The following TRIM69 variants were observed in gnomAD, a reference collection of about 807,000 sequenced individuals.
TRIM69 encodes the protein tripartite motif containing 69, also known as E3 ubiquitin-protein ligase TRIM69.
A neutral mutation model predicts 37.7 loss-of-function variants in TRIM69; 29 were observed. The observed-to-expected ratio is 0.77, with a 90% CI of 0.57 to 1.05. The LOEUF is 1.05. Ranked by LOEUF, TRIM69 falls within the 50% of genes least tolerant of loss-of-function variation. The pLI is 0.00. For synonymous variants in TRIM69, 209 were observed against 212.4 expected (o/e 0.98, Z 0.14); for missense variants, 596 against 579.9 (o/e 1.03, Z -0.28).
At chr15:44,756,970 T>C (rs1269359568) in intron 3 of TRIM69, 1 of 152,322 alleles carries the variant, frequency 6.6e-6, no homozygotes, top group Non-Finnish European at 1.5e-5. Context: ...ATAGGCACTC[T>C]AGGACAACAT....
rs3100143 is a variant in TRIM69, at chr15:44,767,816, A to G, written c.*44A>G. On this transcript the variant is annotated 3_prime_UTR_variant, in exon 7 of 7. Transcript: ENST00000329464. The stretch of plus-strand genomic sequence containing the variant: ...AAATTCAGAGTGTTATTAAAGAGGT[A>G]TTGAAATATTTTACCAGTCTCACTG... 3 of 1,526,620 alleles carry G rather than the reference A, an allele frequency of 2.0e-6. No individual in the cohort carries two copies. Among genetic ancestry groups the G allele is most frequent in the Non-Finnish European group, 2.6e-6 (3 of 1,137,996 alleles). The allele number at this position is 1,526,620 out of a possible 1,614,324, so 94.6% of individuals were successfully genotyped here.
chr15:44,737,420 G>A (rs1764038661), intron 1 of TRIM69, among the ~76,000 whole-genome samples: 1 of 152,098 alleles, frequency 6.6e-6, no homozygotes, highest in Non-Finnish European at 1.5e-5. Context: ...AGGGCTATAA[G>A]CATTTTGTTT....
chr15:44,767,158 C>T (rs2087912753), intron 6 of TRIM69, 73 bp from the exon 7 acceptor site: 3 of 1,127,840 alleles, frequency 2.7e-6, no homozygotes, highest in Non-Finnish European at 2.4e-6. Flanking sequence ...ATATGAAATA[C>T]TATCTTTTAC....
intron 1 of TRIM69, among the ~76,000 whole-genome samples, chr15:44,738,568 C>A (rs747499266): frequency 8.5e-5 from 13 of 152,320 alleles, no homozygotes; most frequent in Non-Finnish European, 1.9e-4. Context: ...AATTCTATAG[C>A]TCCCTCTAGA....
chr15:44,746,223 T>C (rs1267268213), intron 1 of TRIM69, among the ~76,000 whole-genome samples: 4 of 152,210 alleles, frequency 2.6e-5, no homozygotes, highest in African/African-American at 4.8e-5. Context: ...TTCAAAGTAA[T>C]TGAATAATCC....
rs1198418889 is a variant in TRIM69 at position 44,758,802 on chromosome 15, T to C, written c.761T>C (p.Leu254Ser). 6.2e-7 allele frequency: 1 copy of C among 1,614,100 alleles called. No homozygotes were observed. Among genetic ancestry groups the C allele is most frequent in the South Asian group, 1.1e-5 (1 of 91,082 alleles). ...CAATGTCTCTTAGCCAAGGATATGT[T>C]GGTGAGCATTCAGGCAAAGACGGAA... ...QEQCLLAKDM[L>S]VSIQAKTEQQ... Residue 254 changes from leucine (L) to serine (S), a missense_variant, in exon 4 of 7, where the codon TTG becomes TCG. By Grantham distance (145) the Leu-to-Ser change is moderately radical (BLOSUM62 -2). Transcript: ENST00000329464.
intron 5 of TRIM69, 31 bp downstream of exon 5, chr15:44,759,693 C>A (rs758986087): frequency 1.2e-6 from 2 of 1,614,092 alleles, no homozygotes; most frequent in Admixed American, 3.3e-5. Context: ...CTATTAATAT[C>A]ATTCCTTGAG....
chr15:44,764,502 G>A (rs770289092), intron 6 of TRIM69, among the ~76,000 whole-genome samples: 10 of 152,062 alleles, frequency 6.6e-5, no homozygotes, highest in Non-Finnish European at 1.2e-4. Context: ...AGCAGGAGCT[G>A]GCACTTTTCT....
intron 1 of TRIM69, among the ~76,000 whole-genome samples, chr15:44,748,982 G>A (rs1347887320): frequency 6.6e-6 from 1 of 151,882 alleles, no homozygotes. Flanking sequence ...CCAGGTTCAA[G>A]CGATTCTCCA....
intron 1 of TRIM69, among the ~76,000 whole-genome samples, chr15:44,751,908 A>G (rs1010518446): frequency 2.1e-5 from 3 of 143,732 alleles, no homozygotes; most frequent in Non-Finnish European, 3.1e-5. Flanking sequence ...ATTATGGCCA[A>G]TTTTTTTTTT....
At chr15:44,754,753 G>A in intron 1 of TRIM69, 147 bp from the exon 2 acceptor site, 1 of 672,308 alleles carries the variant, frequency 1.5e-6, no homozygotes. Context: ...AAACACTCAA[G>A]TTACTGGTTC....
In TRIM69 at chr15:44,755,211, AC is replaced by A; in HGVS notation, c.321del (p.Leu108TyrfsTer15). 1.9e-6 allele frequency: 3 copies of A among 1,614,196 alleles called. No individual in the cohort carries two copies. The South Asian group carries it at 3.3e-5, about 18-fold the overall frequency. ...DKLVEKIKKL[P>X]LLKGHPQCPE... ...AGTTGGTAGAGAAGATTAAGAAGTTACCCTTACTCAAGGGCCATCCACAGTG... is the reference window on the plus strand; with the variant it reads ...AGTTGGTAGAGAAGATTAAGAAGTTACCTTACTCAAGGGCCATCCACAGTG... On this transcript the variant is annotated frameshift_variant, in exon 2 of 7. Coordinates refer to ENST00000329464, the MANE Select transcript of TRIM69 (RefSeq NM_182985.5). LOFTEE classifies it high-confidence loss of function.
intron 6 of TRIM69, 72 bp downstream of exon 6, chr15:44,759,944 GCC>G: frequency 6.5e-7 from 1 of 1,539,756 alleles, no homozygotes; most frequent in East Asian, 2.3e-5. Context: ...TTCTTCTGTG[GCC>G]CTAATTAAGT....
At chr15:44,751,122 T>A (rs1018276221) in intron 1 of TRIM69, among the ~76,000 whole-genome samples, 1 of 151,052 alleles carries the variant, frequency 6.6e-6, no homozygotes, top group Non-Finnish European at 1.5e-5. Context: ...ACCTAACTTT[T>A]TTTTTTCTTT....
chr15:44,767,695 C>G lies in TRIM69; in HGVS notation c.1426C>G (p.Leu476Val). 6.2e-7 allele frequency: 1 copy of G among 1,614,124 alleles called. No homozygotes were observed. Among genetic ancestry groups the G allele is most frequent in the Non-Finnish European group, 8.5e-7 (1 of 1,180,026 alleles). Residue 476 changes from leucine (L) to valine (V), a missense_variant, in exon 7 of 7, where the codon CTT becomes GTT. Coordinates refer to ENST00000329464, the MANE Select transcript of TRIM69 (RefSeq NM_182985.5). ...CTTCAGTAACACTTTCATGGAGAAA[C>G]TTTATCCCTACTTCTGCCCCTGCCT... ...YTFSNTFMEK[L>V]YPYFCPCLND...
chr15:44,758,976 G>A, intron 4 of TRIM69, 122 bp downstream of exon 4: 1 of 1,202,580 alleles, frequency 8.3e-7, no homozygotes. Context: ...AAACAAAACT[G>A]TTATAGTGCT....
At chr15:44,754,049 C>A (rs1028583019) in intron 1 of TRIM69, 3 of 151,464 alleles carry the variant, frequency 2.0e-5, no homozygotes, top group African/African-American at 7.3e-5. Flanking sequence ...TTTCTCCTTT[C>A]TTTCTGAAAT....
intron 3 of TRIM69, chr15:44,757,753 C>G (rs1267456716): frequency 2.0e-5 from 3 of 152,040 alleles, no homozygotes; most frequent in Admixed American, 1.3e-4. Flanking sequence ...ACTATGTTGC[C>G]CAGTCTTGAA....
chr15:44,740,347 G>C (rs891172228), intron 1 of TRIM69, among the ~76,000 whole-genome samples: 1 of 152,242 alleles, frequency 6.6e-6, no homozygotes, highest in Admixed American at 6.5e-5. Flanking sequence ...AAGGAACGCA[G>C]TTCCTCACCA....
Sources: gnomAD v4.1 joint callset for allele counts (sites outside exome capture counted in the v4.1 genomes callset) on GRCh38, gnomAD v4.1.1 for gene constraint, MANE v1.5 for transcripts, NCBI Gene and HGNC (gene_info 2026-07-23, HGNC 2026-07-21) for gene names.